DRC8: variants seen among roughly 807,000 people sequenced by gnomAD.
The protein encoded by DRC8 is dynein regulatory complex protein 8.
At chr1:245,086,999 G>T in the DRC8 span, 9 of 576,408 alleles carry the variant, frequency 1.6e-5, no homozygotes, top group African/African-American at 1.3e-4. Context: ...CTGAAATGAC[G>T]TGTTCTAGAG....
At chr1:245,047,916 A>G in the DRC8 span, among the ~76,000 whole-genome samples, 1 of 148,912 alleles carries the variant, frequency 6.7e-6, no homozygotes, top group African/African-American at 2.5e-5. Context: ...CGGAGGTTGC[A>G]GTGAGCTGAG....
chr1:245,062,346 C>T, the DRC8 span, among the ~76,000 whole-genome samples: 1 of 152,188 alleles, frequency 6.6e-6, no homozygotes, highest in Admixed American at 6.5e-5. Context: ...CAACTTCCTG[C>T]AAATACTTTC....
the DRC8 span, among the ~76,000 whole-genome samples, chr1:244,990,883 CACCAAATGTGTG>C: frequency 6.6e-6 from 1 of 151,986 alleles, no homozygotes; most frequent in Non-Finnish European, 1.5e-5. Flanking sequence ...GTACTTCTGG[CACCAAATGTGTG>C]GGTTTTCCAC....
chr1:245,056,108 C>T, the DRC8 span, among the ~76,000 whole-genome samples: 1 of 152,148 alleles, frequency 6.6e-6, no homozygotes, highest in East Asian at 1.9e-4. Flanking sequence ...AAGGTAGATG[C>T]TGAAAAGACT....
the DRC8 span, among the ~76,000 whole-genome samples, chr1:245,059,099 A>G: frequency 6.6e-6 from 1 of 152,248 alleles, no homozygotes; most frequent in Non-Finnish European, 1.5e-5. Flanking sequence ...AGAGTTAAGT[A>G]ACACTTAACG....
chr1:245,103,689 T>A, the DRC8 span, among the ~76,000 whole-genome samples: 1 of 151,928 alleles, frequency 6.6e-6, no homozygotes, highest in African/African-American at 2.4e-5. Flanking sequence ...CCTGTGAGGC[T>A]GACGAGGATC....
chr1:245,005,135 G>A, the DRC8 span, among the ~76,000 whole-genome samples: 36 of 152,080 alleles, frequency 2.4e-4, no homozygotes, highest in African/African-American at 8.2e-4. Flanking sequence ...GGTCATAGTG[G>A]ATAATCCCCC....
chr1:245,118,514 G>C, the DRC8 span, among the ~76,000 whole-genome samples: 3 of 152,158 alleles, frequency 2.0e-5, no homozygotes, highest in Non-Finnish European at 4.4e-5. Context: ...ACAGTAAGCC[G>C]GGCGCAGTGG....
chr1:245,035,144 G>C, the DRC8 span, among the ~76,000 whole-genome samples: 1 of 150,730 alleles, frequency 6.6e-6, no homozygotes, highest in African/African-American at 2.4e-5. Context: ...TCCCCAAATT[G>C]ATTAACAGAT....
the DRC8 span, among the ~76,000 whole-genome samples, chr1:245,118,157 G>A: frequency 6.6e-6 from 1 of 152,138 alleles, no homozygotes; most frequent in African/African-American, 2.4e-5. Flanking sequence ...AAAGACCCTA[G>A]TGTCAAAAAT....
the DRC8 span, among the ~76,000 whole-genome samples, chr1:245,119,459 T>TG: frequency 1.3e-5 from 2 of 150,690 alleles, no homozygotes; most frequent in African/African-American, 2.4e-5. Context: ...GGCCAGGAGT[T>TG]GGAGACCAGT....
chr1:245,084,856 G>T, the DRC8 span, among the ~76,000 whole-genome samples: 1 of 152,148 alleles, frequency 6.6e-6, no homozygotes, highest in African/African-American at 2.4e-5. Flanking sequence ...AGAGAGTGAG[G>T]GTCAGAATGG....
At chr1:244,969,836 G>C in the DRC8 span, 2 of 396,512 alleles carry the variant, frequency 5.0e-6, no homozygotes, top group African/African-American at 4.2e-5. Context: ...GGGCAGGCGC[G>C]GCCGTTCTGC....
the DRC8 span, chr1:244,970,767 T>G: frequency 2.8e-6 from 1 of 360,058 alleles, no homozygotes. Flanking sequence ...CTTCCCCTCC[T>G]CCCGCCCCGT....
chr1:245,094,141 A>G, the DRC8 span, among the ~76,000 whole-genome samples: 9 of 152,134 alleles, frequency 5.9e-5, no homozygotes, highest in African/African-American at 2.2e-4. Context: ...AATAGAGGTA[A>G]GTCTATTTTC....
At chr1:245,057,560 C>T in the DRC8 span, among the ~76,000 whole-genome samples, 2 of 151,956 alleles carry the variant, frequency 1.3e-5, no homozygotes, top group East Asian at 3.9e-4. Flanking sequence ...GCATAATAGC[C>T]AGATGTAGTT....
At chr1:245,022,384 G>C in the DRC8 span, among the ~76,000 whole-genome samples, 1 of 150,752 alleles carries the variant, frequency 6.6e-6, no homozygotes, top group Admixed American at 6.6e-5. Flanking sequence ...GGCTGGTCTC[G>C]AATTCCTGGC....
chr1:245,107,614 T>C, the DRC8 span, among the ~76,000 whole-genome samples: 1 of 152,200 alleles, frequency 6.6e-6, no homozygotes, highest in Non-Finnish European at 1.5e-5. Flanking sequence ...GCCTTTGCTG[T>C]CTGACGCAGC....
At chr1:244,982,713 G>A in the DRC8 span, among the ~76,000 whole-genome samples, 1 of 151,988 alleles carries the variant, frequency 6.6e-6, no homozygotes, top group Admixed American at 6.6e-5. Context: ...AAGAACCATG[G>A]GATAATTTAA....
Sources: gnomAD v4.1 joint callset for allele counts (sites outside exome capture counted in the v4.1 genomes callset) on GRCh38, gnomAD v4.1.1 for gene constraint, MANE v1.5 for transcripts, NCBI Gene and HGNC (gene_info 2026-07-23, HGNC 2026-07-21) for gene names.